BRSK2: variants seen among roughly 807,000 people sequenced by gnomAD.
BRSK2 encodes the protein BR serine/threonine kinase 2.
In BRSK2, 19 loss-of-function variants were observed where a neutral mutation model predicts 83.3. That is an observed-to-expected ratio of 0.23 (90% CI 0.16 to 0.33). The LOEUF is 0.33. Among genes scored for constraint, BRSK2 ranks in the 10% least tolerant of loss-of-function variants. BRSK2 has a pLI of 1.00. For synonymous variants in BRSK2, 519 were observed against 435.4 expected (o/e 1.19, Z -2.39); for missense variants, 798 against 1,042.3 (o/e 0.77, Z 3.23).
chr11:1,448,968 T>G (rs1422154997), intron 12 of BRSK2, among the ~76,000 whole-genome samples: 1 of 152,188 alleles, frequency 6.6e-6, no homozygotes, highest in East Asian at 2.0e-4. Context: ...GCTTTTACTC[T>G]TCTCTGTCCT....
intron 15 of BRSK2, among the ~76,000 whole-genome samples, chr11:1,451,867 C>T (rs978960900): frequency 2.6e-5 from 4 of 152,258 alleles, no homozygotes; most frequent in South Asian, 2.1e-4. Flanking sequence ...CTTTCTGAGC[C>T]GTGAGAGGTG....
chr11:1,446,152 A>C (rs1230454406), intron 12 of BRSK2, among the ~76,000 whole-genome samples: 1 of 124,496 alleles, frequency 8.0e-6, no homozygotes, highest in Non-Finnish European at 1.7e-5. Flanking sequence ...GGACTGGGCT[A>C]GGCTGAGCTG....
intron 12 of BRSK2, among the ~76,000 whole-genome samples, chr11:1,446,468 C>T (rs1590620923): frequency 6.6e-6 from 1 of 151,956 alleles, no homozygotes; most frequent in Non-Finnish European, 1.5e-5. Context: ...CCAAGCTTGG[C>T]TGGGCTGAGC....
chr11:1,451,513 C>G, intron 15 of BRSK2, 94 bp downstream of exon 15: 1 of 1,345,938 alleles, frequency 7.4e-7, no homozygotes, highest in Non-Finnish European at 1.1e-6. Flanking sequence ...ACGGGGTGCT[C>G]CTTCTCCACG....
rs1847492313 is a variant in BRSK2, at chr11:1,461,457, C to T, written c.*734C>T. ...GGGGCGGCTGTGGGCTCTGGCGCTC[C>T]TCTCTGGCTGAGGTGGAAACAGAGA... On this transcript the variant is annotated 3_prime_UTR_variant, in exon 20 of 20. Coordinates refer to ENST00000528841, the MANE Select transcript of BRSK2 (RefSeq NM_001256627.2). 2 of 219,252 alleles carry T rather than the reference C, an allele frequency of 9.1e-6. No individual in the cohort carries two copies. The highest frequency in any genetic ancestry group is 1.3e-4 in the South Asian group (2 of 15,486). The allele number at this position is 219,252 out of a possible 1,614,324, so 13.6% of individuals were successfully genotyped here.
At chr11:1,459,532 G>A (rs1847137896) in intron 19 of BRSK2, 1 of 455,618 alleles carries the variant, frequency 2.2e-6, no homozygotes, top group South Asian at 2.5e-5. Context: ...GGGTCCCGCT[G>A]GTCCCACTGG....
chr11:1,421,593 C>T (rs1012435546), intron 1 of BRSK2, among the ~76,000 whole-genome samples: 4 of 152,224 alleles, frequency 2.6e-5, no homozygotes, highest in Non-Finnish European at 5.9e-5. Flanking sequence ...CGCCCCTTCC[C>T]TCTGCACCTG....
chr11:1,413,002 G>GC (rs1411200578), intron 1 of BRSK2, among the ~76,000 whole-genome samples: 2 of 152,146 alleles, frequency 1.3e-5, no homozygotes, highest in African/African-American at 2.4e-5. Flanking sequence ...TGCAGGCGCT[G>GC]CCCCCGGCAC....
At chr11:1,437,413 C>G (rs1191654738) in intron 2 of BRSK2, among the ~76,000 whole-genome samples, 1 of 152,222 alleles carries the variant, frequency 6.6e-6, no homozygotes, top group Non-Finnish European at 1.5e-5. Context: ...CTGACACGGC[C>G]ACTTCTTTGT....
At chr11:1,458,304 C>G (rs1704635056) in intron 18 of BRSK2, among the ~76,000 whole-genome samples, 1 of 152,150 alleles carries the variant, frequency 6.6e-6, no homozygotes, top group African/African-American at 2.4e-5. Context: ...GAGCCAACTC[C>G]AAGCCCCTCT....
Position 1,390,699 on chromosome 11 carries a change from A to T in BRSK2, c.91+324A>T, listed in dbSNP as rs1452774377. On this transcript the variant is annotated intron_variant, in intron 1 of 19. Transcript: ENST00000528841. This position sits in a 1 kb window ranked among gnomAD's most constrained non-coding sequence, Gnocchi z 6.8. ...CGGCCCGGGCCGCATTGTGCGCCCC[A>T]GCGACCGGGCCCATTGTGCCGCGGG... is the stretch of plus-strand genomic sequence containing the variant. Among the ~76,000 whole-genome samples the T allele has an allele frequency of 1.3e-5, 2 of 150,348 alleles. No homozygotes were observed. Among genetic ancestry groups the T allele is most frequent in the East Asian group, 3.9e-4 (2 of 5,066 alleles).
rs770740736 is a variant in BRSK2, at chr11:1,445,655, C to A, written c.1062C>A (p.Pro354=). 5 of 1,597,600 alleles carry A rather than the reference C, an allele frequency of 3.1e-6. No individual in the cohort carries two copies. The South Asian group carries it at 3.4e-5, about 11-fold the overall frequency. Residue 354 remains proline (P), a synonymous_variant, in exon 11 of 20, where the codon CCC becomes CCA. Transcript: ENST00000528841. ...YPSQEDEDLP[P]RNEIDPPRKR... ...GCCAGGAGGATGAGGACCTGCCCCC[C>A]CGGAACGAGATAGGTATGGGTCCAG... is the stretch of plus-strand genomic sequence containing the variant.
chr11:1,459,240 G>T lies in BRSK2; in HGVS notation c.1987+1G>T. The T allele has an allele frequency of 6.2e-7, 1 of 1,613,680 alleles. No individual in the cohort carries two copies. The highest frequency in any genetic ancestry group is 8.5e-7 in the Non-Finnish European group (1 of 1,179,794). Reference sequence around the variant, plus strand: ...ATGACGGGGCGGCTTTCCAAATGTGGTAAGAATCCCCCACGCTCACCTGGC... The same window carrying T: ...ATGACGGGGCGGCTTTCCAAATGTGTTAAGAATCCCCCACGCTCACCTGGC... On this transcript the variant is annotated splice_donor_variant, in intron 19 of 19. Transcript: ENST00000528841. LOFTEE classifies it high-confidence loss of function.
At chr11:1,413,971 C>T (rs1050174920) in intron 1 of BRSK2, among the ~76,000 whole-genome samples, 4 of 152,246 alleles carry the variant, frequency 2.6e-5, no homozygotes, top group Non-Finnish European at 5.9e-5. Flanking sequence ...GCGCCAGCCA[C>T]TTCCTCACAC....
rs1299574918 is a variant in BRSK2, at chr11:1,438,128, C to T, written c.187-178C>T. Among the ~76,000 whole-genome samples, 1 of 138,748 alleles carries T rather than the reference C, an allele frequency of 7.2e-6. No homozygotes were observed. The highest frequency in any genetic ancestry group is 1.6e-5 in the Non-Finnish European group (1 of 63,526). 91.0% of individuals were successfully genotyped at this position (138,748 alleles called of 152,430 possible). ...GCACCAAAGGCCCCTGCGTCCCCCA[C>T]AGCTGGCACCAAAGGCCCCTGCGTC... On this transcript the variant is annotated intron_variant, in intron 2 of 19. Coordinates refer to ENST00000528841, the MANE Select transcript of BRSK2 (RefSeq NM_001256627.2). The surrounding 1 kb of genome is among the most constrained non-coding windows in gnomAD (Gnocchi z 6.4).
chr11:1,414,681 C>T (rs185586890), intron 1 of BRSK2, among the ~76,000 whole-genome samples: 18 of 152,296 alleles, frequency 1.2e-4, no homozygotes, highest in African/African-American at 3.6e-4. Context: ...CGGTGCTACG[C>T]GGCCACCACT....
chr11:1,398,262 G>T (rs1044175248), intron 1 of BRSK2, among the ~76,000 whole-genome samples: 1 of 152,210 alleles, frequency 6.6e-6, no homozygotes, highest in Non-Finnish European at 1.5e-5. Flanking sequence ...CGGGCCTCGT[G>T]TCCTCGGCAC....
chr11:1,460,815 G>T lies in BRSK2; in HGVS notation c.*92G>T. On this transcript the variant is annotated 3_prime_UTR_variant, in exon 20 of 20. Transcript: ENST00000528841. ...CCCCGAGTGGACCCGCGGCCGCGCC[G>T]CCCGTCCGTCCAGACTGTTCTCAGA... 6.8e-7 allele frequency: 1 copy of T among 1,465,442 alleles called. No homozygotes were observed. Among genetic ancestry groups the T allele is most frequent in the Non-Finnish European group, 9.0e-7 (1 of 1,116,286 alleles). The allele number at this position is 1,465,442 out of a possible 1,614,324, so 90.8% of individuals were successfully genotyped here.
At position 1,436,929 on chromosome 11, in the gene BRSK2, A is replaced by AC. The variant is rs1419203457; in HGVS notation, c.186+801dup. Among the ~76,000 whole-genome samples, 18 of 133,578 alleles carry AC rather than the reference A, an allele frequency of 1.3e-4. No homozygotes were observed. In the Admixed American group the frequency reaches 1.4e-3, roughly 10 times the overall value. 87.6% of individuals were successfully genotyped at this position (133,578 alleles called of 152,430 possible). A position where few individuals can be genotyped will look rare whatever the true frequency, so the allele number is the denominator to read the frequency against. On this transcript the variant is annotated intron_variant, in intron 2 of 19. Transcript: ENST00000528841. ...GGTTGGGGACTGTGACATGTTGGGC[A>AC]CCCCCCAGCTGCTGGGGTGTGGAGG...
Sources: allele counts gnomAD v4.1 joint callset (sites outside exome capture counted in the v4.1 genomes callset), GRCh38; gene constraint gnomAD v4.1.1; non-coding constraint Gnocchi (gnomAD v3.1); transcripts MANE v1.5; gene names NCBI Gene and HGNC (gene_info 2026-07-23, HGNC 2026-07-21).